TCTN1: variants seen among roughly 807,000 people sequenced by gnomAD.
TCTN1 encodes tectonic-1.
A neutral mutation model predicts 65.8 loss-of-function variants in TCTN1; 58 were observed. That is an observed-to-expected ratio of 0.88 (90% confidence interval 0.71 to 1.10). TCTN1 has a LOEUF of 1.10. TCTN1 is among the 50% of genes least tolerant of loss of function. The probability of loss-of-function intolerance (pLI) is 0.00; values close to 1 mark genes in which losing one functional copy is unlikely to be tolerated. For missense variants in TCTN1, 645 were observed against 719.4 expected, an observed-to-expected ratio of 0.90 and a Z score of 1.18; for synonymous variants, 273 against 289.1, an observed-to-expected ratio of 0.94 and a Z score of 0.57.
intron 10 of TCTN1, 30 bp downstream of exon 10, chr12:110,641,657 T>G (rs1367120461): frequency 1.3e-6 from 2 of 1,590,940 alleles, no homozygotes; most frequent in Admixed American, 3.3e-5. Flanking sequence ...AGAGGGTGGA[T>G]TTATTTCTCT....
chr12:110,643,795 C>T (rs1377960200), intron 11 of TCTN1: 2 of 152,176 alleles, frequency 1.3e-5, no homozygotes, highest in African/African-American at 2.4e-5. Context: ...GCTTCAGCCT[C>T]CTAATAGCTG....
chr12:110,648,810 G>A (rs560978381), intron 14 of TCTN1: 3 of 327,388 alleles, frequency 9.2e-6, no homozygotes, highest in African/African-American at 4.5e-5. Context: ...ATTTTATACA[G>A]TAGTTGTTTT....
intron 11 of TCTN1, among the ~76,000 whole-genome samples, chr12:110,642,766 T>A (rs1469840576): frequency 6.6e-6 from 1 of 151,918 alleles, no homozygotes; most frequent in African/African-American, 2.4e-5. Flanking sequence ...TCCGGCTTTT[T>A]TTTTTTTTGA....
In TCTN1 at chr12:110,619,862, T is replaced by A. The variant is rs763764055; in HGVS notation, c.247T>A (p.Ser83Thr). ...DVAVLCVCDLSPAQCDINCCC... is the reference protein window; with the variant it reads ...DVAVLCVCDLTPAQCDINCCC... ...TGCTGTTCTCTGTGTCTGTGACTTA[T>A]CCCCAGCACAGTGTGACATCAACTG... The change falls in exon 2 of 15, where the codon TCC becomes ACC. Residue 83 changes from serine to threonine, a missense_variant. Ser to Thr is a moderately conservative substitution (Grantham distance 58). Coordinates refer to ENST00000397659, the MANE Select transcript of TCTN1 (RefSeq NM_001082538.3). The A allele has an allele frequency of 6.2e-7, 1 of 1,614,196 alleles. No homozygotes were observed. Among genetic ancestry groups the A allele is most frequent in the South Asian group, 1.1e-5 (1 of 91,084 alleles).
chr12:110,621,531 G>A (rs898929540), intron 2 of TCTN1, among the ~76,000 whole-genome samples: 5 of 150,966 alleles, frequency 3.3e-5, no homozygotes, highest in South Asian at 2.1e-4. Context: ...GGAGTGCAGT[G>A]CCTCCATCTC....
At chr12:110,634,252 C>T in intron 5 of TCTN1, 2 of 333,662 alleles carry the variant, frequency 6.0e-6, no homozygotes, top group Non-Finnish European at 1.2e-5. Flanking sequence ...AGCCTCATGC[C>T]AGTTGCCTCT....
Position 110,640,942 on chromosome 12 carries a change from T to C in TCTN1, c.979-82T>C. 1 of 1,586,022 alleles carries C rather than the reference T, an allele frequency of 6.3e-7. No homozygotes were observed. The highest frequency in any genetic ancestry group is 1.1e-5 in the South Asian group (1 of 90,284). Reference sequence around the variant, plus strand: ...CATGGAGAAACAGGGAAAGATTTGCTATCTATGGGTGTTTTCAGTTATTCA... The same window carrying C: ...CATGGAGAAACAGGGAAAGATTTGCCATCTATGGGTGTTTTCAGTTATTCA... On this transcript the variant is annotated intron_variant, in intron 8 of 14. Coordinates refer to ENST00000397659, the MANE Select transcript of TCTN1 (RefSeq NM_001082538.3). The surrounding 1 kb of genome is among the most constrained non-coding windows in gnomAD (Gnocchi z 4.9).
chr12:110,644,821 G>A lies in TCTN1; in HGVS notation c.1332-146G>A. ...TTTGAGGCTGCAGGGAGCTATGATG[G>A]TGCCACTGCACTCCAGCTTGGGCAT... On this transcript the variant is annotated intron_variant, in intron 11 of 14. Transcript: ENST00000397659. This position sits in a 1 kb window ranked among gnomAD's most constrained non-coding sequence, Gnocchi z 4.6. 3 of 1,004,592 alleles carry A rather than the reference G, an allele frequency of 3.0e-6. No homozygotes were observed. Among genetic ancestry groups the A allele is most frequent in the Non-Finnish European group, 4.6e-6 (3 of 653,398 alleles). 62.2% of individuals were successfully genotyped at this position (1,004,592 alleles called of 1,614,324 possible).
chr12:110,648,594 A>AT (rs1299988817), intron 14 of TCTN1: 1 of 159,120 alleles, frequency 6.3e-6, no homozygotes, highest in Non-Finnish European at 1.4e-5. Context: ...AAATAGCAAA[A>AT]TATTAGATAA....
chr12:110,637,210 C>T (rs755771547), intron 7 of TCTN1, among the ~76,000 whole-genome samples: 22 of 152,306 alleles, frequency 1.4e-4, no homozygotes, highest in Non-Finnish European at 2.8e-4. Context: ...GGACTGACAC[C>T]GTGGTCTCCC....
rs376516005 is a variant in TCTN1 at position 110,624,913 on chromosome 12, C to T, written c.342-1449C>T. On this transcript the variant is annotated intron_variant, in intron 2 of 14. Coordinates refer to ENST00000397659, the MANE Select transcript of TCTN1 (RefSeq NM_001082538.3). ...CATAACTTGTAAGCACTAAACCTTC[C>T]AGACGACTGATCTCAGGTGATCCAC... Among the ~76,000 whole-genome samples the T allele has an allele frequency of 6.4e-4, 97 of 151,790 alleles. 5 individuals carry two copies. In the South Asian group the frequency reaches 0.019, roughly 30 times the overall value.
chr12:110,628,245 C>T, intron 3 of TCTN1: 5 of 1,535,136 alleles, frequency 3.3e-6, no homozygotes, highest in Middle Eastern at 1.8e-4. Flanking sequence ...CAAACTATTA[C>T]TTCCCCATTA....
chr12:110,648,833 A>G (rs1413990535), intron 14 of TCTN1: 1 of 359,496 alleles, frequency 2.8e-6, no homozygotes, highest in Non-Finnish European at 5.3e-6. Flanking sequence ...TTTATACAGT[A>G]GTTGTACAGT....
intron 6 of TCTN1, 140 bp downstream of exon 6, chr12:110,634,919 T>C (rs933171478): frequency 1.6e-6 from 1 of 631,564 alleles, no homozygotes; most frequent in Admixed American, 3.1e-5. Flanking sequence ...TTTATATCAG[T>C]GATTATTGAA....
intron 11 of TCTN1, among the ~76,000 whole-genome samples, chr12:110,642,848 TG>T (rs2067051446): frequency 2.0e-5 from 3 of 151,950 alleles, no homozygotes; most frequent in African/African-American, 7.3e-5. Context: ...CCTCTGCCTC[TG>T]GGTTCAAGCA....
At position 110,640,898 on chromosome 12, in the gene TCTN1, G is replaced by T; in HGVS notation, c.979-126G>T. The T allele has an allele frequency of 7.3e-7, 1 of 1,375,588 alleles. No homozygotes were observed. The highest frequency in any genetic ancestry group is 2.3e-5 in the East Asian group (1 of 43,676). The allele number at this position is 1,375,588 out of a possible 1,614,324, so 85.2% of individuals were successfully genotyped here. A position where few individuals can be genotyped will look rare whatever the true frequency, so the allele number is the denominator to read the frequency against. On this transcript the variant is annotated intron_variant, in intron 8 of 14. Transcript: ENST00000397659. This position sits in a 1 kb window ranked among gnomAD's most constrained non-coding sequence, Gnocchi z 4.9. ...ACACCTCTCATAATCCAACTGGACAGCAGAGCAAGGCTTCAACACATGGAG... is the reference window on the plus strand; with the variant it reads ...ACACCTCTCATAATCCAACTGGACATCAGAGCAAGGCTTCAACACATGGAG...
chr12:110,629,271 C>CT (rs1389068870), intron 4 of TCTN1: 3 of 339,110 alleles, frequency 8.8e-6, no homozygotes, highest in Non-Finnish European at 1.6e-5. Flanking sequence ...TAAAGAGCTT[C>CT]TGCACAGCAA....
At chr12:110,617,327 T>C (rs954939536) in intron 1 of TCTN1, among the ~76,000 whole-genome samples, 10 of 151,630 alleles carry the variant, frequency 6.6e-5, no homozygotes, top group African/African-American at 2.4e-4. Flanking sequence ...GAGTGCATTA[T>C]ACCTTTTACG....
chr12:110,618,408 T>G (rs2065195107), intron 1 of TCTN1, among the ~76,000 whole-genome samples: 1 of 152,150 alleles, frequency 6.6e-6, no homozygotes, highest in Admixed American at 6.5e-5. Context: ...ACCCAGCTAG[T>G]TTTTATATTG....
Sources: allele counts gnomAD v4.1 joint callset (sites outside exome capture counted in the v4.1 genomes callset), GRCh38; gene constraint gnomAD v4.1.1; non-coding constraint Gnocchi (gnomAD v3.1); transcripts MANE v1.5; gene names NCBI Gene and HGNC (gene_info 2026-07-23, HGNC 2026-07-21).